The following ARMH3 variants were observed in gnomAD, a reference collection of about 807,000 sequenced individuals.
The protein encoded by ARMH3 is armadillo-like helical domain-containing protein 3.
In ARMH3, 60 loss-of-function variants were observed where a neutral mutation model predicts 99.1. The observed-to-expected ratio is 0.61, with a 90% CI of 0.49 to 0.75. The LOEUF (loss-of-function observed/expected upper bound fraction) is 0.75, where lower values mean the gene tolerates loss of function less well. Ranked by LOEUF, ARMH3 falls within the 30% of genes least tolerant of loss-of-function variation. The pLI is 0.00. For synonymous variants in ARMH3, 285 were observed against 292.8 expected (o/e 0.97, Z 0.27); for missense variants, 679 against 843.1 (o/e 0.81, Z 2.41).
intron 23 of ARMH3, among the ~76,000 whole-genome samples, chr10:101,930,504 AGGTATAC>A (rs1034733603): frequency 3.3e-5 from 5 of 152,210 alleles, no homozygotes; most frequent in African/African-American, 1.2e-4. Flanking sequence ...ATAGCCTCTC[AGGTATAC>A]GTGTATTCAT....
chr10:102,049,357 C>T (rs2067636199), intron 1 of ARMH3, among the ~76,000 whole-genome samples: 1 of 152,086 alleles, frequency 6.6e-6, no homozygotes, highest in African/African-American at 2.4e-5. Flanking sequence ...GCCTGGCCAA[C>T]ATGCAGAAAC....
chr10:101,847,673 G>T, intron 25 of ARMH3, 53 bp from the exon 26 acceptor site: 1 of 1,526,218 alleles, frequency 6.6e-7, no homozygotes, highest in East Asian at 2.3e-5. Context: ...GAGAAAACAG[G>T]AGAGAGTCAG....
chr10:102,051,439 C>G (rs1236265145), intron 1 of ARMH3, among the ~76,000 whole-genome samples: 1 of 149,316 alleles, frequency 6.7e-6, no homozygotes, highest in Non-Finnish European at 1.5e-5. Flanking sequence ...GGCCACTGCA[C>G]TACAGCCTGG....
chr10:102,044,091 CTTTT>C (rs778226635), intron 1 of ARMH3, among the ~76,000 whole-genome samples: 3 of 104,118 alleles, frequency 2.9e-5, no homozygotes, highest in Non-Finnish European at 4.1e-5. Flanking sequence ...TAATTTTTTT[CTTTT>C]TTTTTTTTTT....
chr10:101,964,171 C>T (rs866845303), intron 20 of ARMH3, among the ~76,000 whole-genome samples: 2 of 152,106 alleles, frequency 1.3e-5, no homozygotes, highest in South Asian at 2.1e-4. Context: ...CCACTGCGCC[C>T]GGCAATTTTT....
intron 24 of ARMH3, among the ~76,000 whole-genome samples, chr10:101,885,812 G>A (rs1471772080): frequency 6.6e-6 from 1 of 152,202 alleles, no homozygotes; most frequent in Non-Finnish European, 1.5e-5. Context: ...CCAGCACTTT[G>A]GGAGCCCGAG....
intron 23 of ARMH3, among the ~76,000 whole-genome samples, chr10:101,935,370 A>G (rs1843919137): frequency 6.6e-6 from 1 of 152,116 alleles, no homozygotes; most frequent in Non-Finnish European, 1.5e-5. Context: ...TAACTTTGAC[A>G]GTTAAAGAAC....
At chr10:101,914,129 G>C (rs1351352361) in intron 23 of ARMH3, among the ~76,000 whole-genome samples, 5 of 152,268 alleles carry the variant, frequency 3.3e-5, no homozygotes, top group Admixed American at 1.3e-4. Flanking sequence ...GCTGGATGAA[G>C]TGCTGTGTAT....
chr10:101,945,980 G>T (rs1254782735), intron 22 of ARMH3, among the ~76,000 whole-genome samples: 3 of 143,426 alleles, frequency 2.1e-5, no homozygotes, highest in Non-Finnish European at 3.0e-5. Context: ...ATACTGGGGA[G>T]AATGAGGCAG....
intron 20 of ARMH3, among the ~76,000 whole-genome samples, chr10:101,958,342 CTT>C (rs1000867552): frequency 1.2e-4 from 19 of 152,236 alleles, no homozygotes; most frequent in African/African-American, 4.6e-4. Flanking sequence ...ATTGAAATCT[CTT>C]TCTGCCTGGC....
chr10:101,862,521 G>C (rs901970456), intron 24 of ARMH3, among the ~76,000 whole-genome samples: 3 of 152,150 alleles, frequency 2.0e-5, no homozygotes, highest in African/African-American at 7.2e-5. Flanking sequence ...AGGTTGTAGT[G>C]AGCCAAGATC....
At chr10:102,027,278 CAAA>C (rs1228063848) in intron 5 of ARMH3, among the ~76,000 whole-genome samples, 1 of 56,476 alleles carries the variant, frequency 1.8e-5, no homozygotes. Flanking sequence ...GATTCCGTCT[CAAA>C]AAAAAAAAAA....
At chr10:101,999,925 A>C (rs1212307104) in intron 15 of ARMH3, among the ~76,000 whole-genome samples, 1 of 152,082 alleles carries the variant, frequency 6.6e-6, no homozygotes, top group Non-Finnish European at 1.5e-5. Flanking sequence ...TCTACTAAAA[A>C]TACAAAAATT....
intron 17 of ARMH3, among the ~76,000 whole-genome samples, chr10:101,992,353 C>T (rs376036630): frequency 2.9e-4 from 44 of 151,846 alleles, no homozygotes; most frequent in South Asian, 2.1e-3. Flanking sequence ...GCATTACTAA[C>T]GACAAAAGAG....
chr10:101,988,248 G>T (rs1277048219), intron 19 of ARMH3, among the ~76,000 whole-genome samples: 1 of 152,188 alleles, frequency 6.6e-6, no homozygotes, highest in Admixed American at 6.5e-5. Context: ...CCTGGGCAAA[G>T]TAATTAATCT....
At chr10:101,945,145 C>T (rs551955648) in intron 22 of ARMH3, among the ~76,000 whole-genome samples, 81 of 152,202 alleles carry the variant, frequency 5.3e-4, no homozygotes, top group Non-Finnish European at 6.5e-4. Context: ...CTTGGAGAAA[C>T]GCTCACAAGA....
chr10:101,863,660 G>A (rs978492575), intron 24 of ARMH3, among the ~76,000 whole-genome samples: 4 of 152,050 alleles, frequency 2.6e-5, no homozygotes, highest in South Asian at 2.1e-4. Context: ...ATGGTAGCTC[G>A]TGCCTGTAAA....
At chr10:101,976,074 CAGG>C (rs2135929418) in intron 19 of ARMH3, among the ~76,000 whole-genome samples, 1 of 134,684 alleles carries the variant, frequency 7.4e-6, no homozygotes, top group African/African-American at 2.6e-5. Flanking sequence ...GTGGCTGAGG[CAGG>C]AGAATGGCAT....
intron 19 of ARMH3, among the ~76,000 whole-genome samples, chr10:101,985,072 TATATATACACACAC>T (rs763547709): frequency 3.1e-4 from 42 of 134,868 alleles, no homozygotes; most frequent in African/African-American, 5.9e-4. Context: ...CATCTAAAAA[TATATATACACACAC>T]ACACACACAC....
Sources: allele counts gnomAD v4.1 joint callset (sites outside exome capture counted in the v4.1 genomes callset), GRCh38; gene constraint gnomAD v4.1.1; transcripts MANE v1.5; gene names NCBI Gene and HGNC (gene_info 2026-07-23, HGNC 2026-07-21).